MYH7: variants seen among roughly 807,000 people sequenced by gnomAD.
The protein encoded by MYH7 is myosin-7.
MYH7 carries 129 observed loss-of-function variants against 225.4 expected under a neutral mutation model. The observed-to-expected ratio is 0.57, with a 90% CI of 0.50 to 0.66. The LOEUF (loss-of-function observed/expected upper bound fraction) is 0.66, where lower values mean the gene tolerates loss of function less well. Ranked by LOEUF, MYH7 falls within the 30% of genes least tolerant of loss-of-function variation. MYH7 has a pLI of 0.00. For synonymous variants in MYH7, 971 were observed against 1,007.6 expected (o/e 0.96, Z 0.69); for missense variants, 1,649 against 2,517.0 (o/e 0.66, Z 7.38).
At chr14:23,421,213 A>T (rs767751203) in intron 25 of MYH7, among the ~76,000 whole-genome samples, 165 bp from the exon 26 acceptor site, 11 of 152,176 alleles carry the variant, frequency 7.2e-5, no homozygotes, top group Non-Finnish European at 8.8e-5. Flanking sequence ...CTGCGGTGAG[A>T]TTGAAATCCA....
In MYH7 at chr14:23,433,741, C is replaced by T. The variant is rs1221287083; in HGVS notation, c.-8-1G>A. 1 of 1,613,428 alleles carries T rather than the reference C, an allele frequency of 6.2e-7. No homozygotes were observed. The highest frequency in any genetic ancestry group is 8.5e-7 in the Non-Finnish European group (1 of 1,180,006). On this transcript the variant is annotated splice_acceptor_variant, in intron 2 of 39. Transcript: ENST00000355349. LOFTEE classifies it low-confidence loss of function (5UTR_SPLICE). This position sits in a 1 kb window ranked among gnomAD's most constrained non-coding sequence, Gnocchi z 4.1. ...ATCTCCGAATCTCCCATGGCTGTGC[C>T]TGGAGTGAGCAGAAGCTGGCTGCCC...
intron 24 of MYH7, 66 bp from the exon 25 acceptor site, chr14:23,422,391 G>C: frequency 6.2e-7 from 1 of 1,609,286 alleles, no homozygotes; most frequent in African/African-American, 1.3e-5. Flanking sequence ...TTGTTGTTCA[G>C]TTACCTCAGG....
chr14:23,427,847 C>T lies in MYH7; in HGVS notation c.1626G>A (p.Lys542=). ...SILEEECMFP[K]ATDMTFKAKL... is the part of the protein sequence containing the mutation. ...TGGCCTTGAAGGTCATGTCGGTGGC[C>T]TTGGGGAACATGCACTCCTCTTCCA... Residue 542 remains lysine, a synonymous_variant, in exon 16 of 40, where the codon AAG becomes AAA. Transcript: ENST00000355349. 1 of 1,614,162 alleles carries T rather than the reference C, an allele frequency of 6.2e-7. No individual in the cohort carries two copies. Among genetic ancestry groups the T allele is most frequent in the Non-Finnish European group, 8.5e-7 (1 of 1,180,032 alleles).
intron 38 of MYH7, 50 bp from the exon 39 acceptor site, chr14:23,413,943 C>T: frequency 6.2e-7 from 1 of 1,614,212 alleles, no homozygotes; most frequent in Non-Finnish European, 8.5e-7. Flanking sequence ...TTCTCAGACT[C>T]CTGGCTTGGG....
intron 28 of MYH7, 93 bp downstream of exon 28, chr14:23,419,390 G>T (rs1032690516): frequency 6.2e-7 from 1 of 1,612,278 alleles, no homozygotes; most frequent in Admixed American, 1.7e-5. Flanking sequence ...CTGTGTCTGT[G>T]TGTGCGTGTA....
chr14:23,425,690 C>G lies in MYH7; in HGVS notation c.2286+5G>C, dbSNP rs1312350943. 6.2e-7 allele frequency: 1 copy of G among 1,613,986 alleles called. No homozygotes were observed. The highest frequency in any genetic ancestry group is 8.5e-7 in the Non-Finnish European group (1 of 1,179,864). On this transcript the variant is annotated splice_donor_5th_base_variant and intron_variant, in intron 20 of 39. Transcript: ENST00000355349. The surrounding 1 kb of genome is among the most constrained non-coding windows in gnomAD (Gnocchi z 4.6). ...TCCTTTAATTAATTAGTCTCCTTTCCTCACCTTGGTGTGGCCAAACTTGTA... is the reference window on the plus strand; with the variant it reads ...TCCTTTAATTAATTAGTCTCCTTTCGTCACCTTGGTGTGGCCAAACTTGTA...
Position 23,418,323 on chromosome 14 carries a change from C to T in MYH7, c.4056G>A (p.Glu1352=). 6.2e-7 allele frequency: 1 copy of T among 1,613,810 alleles called. No homozygotes were observed. The highest frequency in any genetic ancestry group is 8.5e-7 in the Non-Finnish European group (1 of 1,180,038). The part of the protein sequence containing the change: ...LLREQYEEET[E]AKAELQRVLS... ...GGACGCGCTGCAGCTCGGCCTTGGC[C>T]TCCGTCTCCTCCTCGTACTGCTCCC... Residue 1352 remains glutamate (E), a synonymous_variant, in exon 30 of 40, where the codon GAG becomes GAA. Coordinates refer to ENST00000355349, the MANE Select transcript of MYH7 (RefSeq NM_000257.4).
chr14:23,423,457 A>ACG, intron 24 of MYH7, 90 bp downstream of exon 24: 5 of 1,360,738 alleles, frequency 3.7e-6, no homozygotes, highest in Non-Finnish European at 5.2e-6. Flanking sequence ...ACACACACAC[A>ACG]CACACACACA....
chr14:23,432,047 C>G (rs1310577466), intron 6 of MYH7, among the ~76,000 whole-genome samples, 178 bp from the exon 7 acceptor site: 1 of 152,192 alleles, frequency 6.6e-6, no homozygotes, highest in African/African-American at 2.4e-5. Flanking sequence ...GGGCTGGCAC[C>G]AGGAAGGATG....
Position 23,417,529 on chromosome 14 carries a change from C to T in MYH7, c.4327G>A (p.Asp1443Asn), listed in dbSNP as rs2138646412. The change falls in exon 31 of 40, where the codon GAC becomes AAC. Residue 1443 changes from aspartate to asparagine, a missense_variant. By Grantham distance (23) the Asp-to-Asn change is conservative. This residue lies in a region of MYH7 where 687 missense variants were observed against 913.8 expected (regional missense o/e 0.75). Transcript: ENST00000355349. ...ERSNAAAAAL[D>N]KKQRNFDKIL... ...TTGTCGAAGTTCCTCTGCTTCTTGT[C>T]CAGGGCTGCAGCAGCAGCATTGGAG... 6.2e-7 allele frequency: 1 copy of T among 1,612,352 alleles called. No homozygotes were observed. The highest frequency in any genetic ancestry group is 8.5e-7 in the Non-Finnish European group (1 of 1,180,046).
At chr14:23,431,036 A>T (rs1196942753) in intron 9 of MYH7, 37 bp from the exon 10 acceptor site, 2 of 1,497,834 alleles carry the variant, frequency 1.3e-6, no homozygotes, top group African/African-American at 2.8e-5. Flanking sequence ...GAGAAAGAAA[A>T]GTTAGGGTTT....
In MYH7 at chr14:23,420,944, T is replaced by G. The variant is rs779770643; in HGVS notation, c.3336+14A>C. On this transcript the variant is annotated intron_variant, in intron 26 of 39. Coordinates refer to ENST00000355349, the MANE Select transcript of MYH7 (RefSeq NM_000257.4). ...CCAGGGACTCAGCATCCCGCGTGGG[T>G]GTCCAGACCTCACCTGAAGCTCCTT... 6.2e-7 allele frequency: 1 copy of G among 1,609,364 alleles called. No homozygotes were observed. The highest frequency in any genetic ancestry group is 8.5e-7 in the Non-Finnish European group (1 of 1,177,502).
intron 9 of MYH7, 54 bp downstream of exon 9, chr14:23,431,363 AT>A: frequency 1.3e-6 from 2 of 1,528,050 alleles, no homozygotes. Context: ...TCAAGACCAG[AT>A]GGTCTAGAGC....
Position 23,430,976 on chromosome 14 carries a change from T to C in MYH7, c.820A>G (p.Ile274Val). The change falls in exon 10 of 40, where the codon ATT becomes GTT. Residue 274 changes from isoleucine (I) to valine (V), a missense_variant. Around this residue, in one of 12 missense-constraint regions of MYH7, gnomAD observed 131 missense variants for 231.3 expected, o/e 0.57. Coordinates refer to ENST00000355349, the MANE Select transcript of MYH7 (RefSeq NM_000257.4). Reference sequence around the variant, plus strand: ...TCTCTCTCTGCTTTCAGCTGGAAAATAACTCTGGATTTTTCCAGAAGATCT... The same window carrying C: ...TCTCTCTCTGCTTTCAGCTGGAAAACAACTCTGGATTTTTCCAGAAGATCT... ...ETYLLEKSRV[I>V]FQLKAERDYH... 1 of 1,613,516 alleles carries C rather than the reference T, an allele frequency of 6.2e-7. No individual in the cohort carries two copies. The highest frequency in any genetic ancestry group is 8.5e-7 in the Non-Finnish European group (1 of 1,179,490).
rs121913631 is a variant in MYH7, at chr14:23,424,107, G to C, written c.2722C>G (p.Leu908Val). 3.7e-6 allele frequency: 6 copies of C among 1,614,104 alleles called. No individual in the cohort carries two copies. Among genetic ancestry groups the C allele is most frequent in the Non-Finnish European group, 5.1e-6 (6 of 1,180,048 alleles). The change falls in exon 23 of 40, where the codon CTG (leucine) becomes GTG (valine). Residue 908 changes from leucine (L) to valine (V), a missense_variant. Physicochemically the swap from Leu to Val is conservative, Grantham distance 32. Coordinates refer to ENST00000355349, the MANE Select transcript of MYH7 (RefSeq NM_000257.4). ...TCCAGCTGAATCTTGTTTTTGATCA[G>C]CTGATCACAGCGCTCCTCAGCATCT... The part of the protein sequence containing the change: ...LADAEERCDQ[L>V]IKNKIQLEAK...
rs1011423244 is a variant in MYH7 at position 23,425,623 on chromosome 14, A to G, written c.2286+72T>C. On this transcript the variant is annotated intron_variant, in intron 20 of 39. Coordinates refer to ENST00000355349, the MANE Select transcript of MYH7 (RefSeq NM_000257.4). The surrounding 1 kb of genome is among the most constrained non-coding windows in gnomAD (Gnocchi z 4.6). ...TAAGAGATTTTGCTAAGATGATTAC[A>G]ACAGGAAAAGCATCAGAGGAGTCAA... The G allele has an allele frequency of 1.2e-5, 20 of 1,611,090 alleles. No individual in the cohort carries two copies. The African/African-American group carries it at 2.7e-4, about 22-fold the overall frequency.
At position 23,414,108 on chromosome 14, in the gene MYH7, G is replaced by A. The variant is rs767956231; in HGVS notation, c.5560-6C>T. On this transcript the variant is annotated splice_polypyrimidine_tract_variant and splice_region_variant and intron_variant, in intron 37 of 39. Coordinates refer to ENST00000355349, the MANE Select transcript of MYH7 (RefSeq NM_000257.4). ...TTTTTCCTGTCCTCCTCCGTCTGGG[G>A]GCCAGAGGGTAGGCAGGGGGTGAAG... 2.5e-6 allele frequency: 4 copies of A among 1,611,180 alleles called. No individual in the cohort carries two copies. The East Asian group carries it at 6.7e-5, about 27-fold the overall frequency.
chr14:23,427,560 A>C, intron 16 of MYH7, 25 bp downstream of exon 16: 8 of 1,613,038 alleles, frequency 5.0e-6, no homozygotes, highest in Non-Finnish European at 6.8e-6. Context: ...GCTCCTCTGT[A>C]CCGGGAGCCT....
rs534114622 is a variant in MYH7, at chr14:23,422,340, G to A, written c.3100-15C>T. 7 of 1,614,130 alleles carry A rather than the reference G, an allele frequency of 4.3e-6. No homozygotes were observed. The South Asian group carries it at 6.6e-5, about 15-fold the overall frequency. On this transcript the variant is annotated splice_polypyrimidine_tract_variant and intron_variant, in intron 24 of 39. Coordinates refer to ENST00000355349, the MANE Select transcript of MYH7 (RefSeq NM_000257.4). Reference sequence around the variant, plus strand: ...GATCCTTCCAGCTGGTAGAGAGAAGGAGCCAGGCCCAGTGAGGCAAAGCAT... The same window carrying A: ...GATCCTTCCAGCTGGTAGAGAGAAGAAGCCAGGCCCAGTGAGGCAAAGCAT...
Sources: allele counts gnomAD v4.1 joint callset (sites outside exome capture counted in the v4.1 genomes callset), GRCh38; gene constraint gnomAD v4.1.1; regional missense constraint gnomAD v4.1.1; non-coding constraint Gnocchi (gnomAD v3.1); transcripts MANE v1.5; gene names NCBI Gene and HGNC (gene_info 2026-07-23, HGNC 2026-07-21).